EXD3: variants seen among roughly 807,000 people sequenced by gnomAD.
EXD3 encodes the protein exonuclease 3'-5' domain containing 3, also known as exonuclease mut-7 homolog.
In EXD3, 92 loss-of-function variants were observed where a neutral mutation model predicts 98.0. The ratio of observed to expected loss-of-function variants is 0.94; its 90% CI spans 0.79 to 1.12. The LOEUF is 1.12. Among genes scored for constraint, EXD3 ranks in the 50% most tolerant of loss-of-function variants. The pLI, the probability that EXD3 is intolerant of heterozygous loss-of-function variation, is 0.00. For missense variants in EXD3, 1,222 were observed against 1,191.6 expected, an observed-to-expected ratio of 1.03 and a Z score of -0.38; for synonymous variants, 569 against 526.0, an observed-to-expected ratio of 1.08 and a Z score of -1.12.
At position 137,341,524 on chromosome 9, in the gene EXD3, A is replaced by AGG. The variant is rs771473535; in HGVS notation, c.1998+6545_1998+6546dup. Among the ~76,000 whole-genome samples, 1,068 of 140,548 alleles carry AGG rather than the reference A, an allele frequency of 7.6e-3. 2 individuals carry two copies. Among genetic ancestry groups the AGG allele is most frequent in the Non-Finnish European group, 0.011 (701 of 63,156 alleles). 92.2% of individuals were successfully genotyped at this position (140,548 alleles called of 152,430 possible). ...GCTCAGGCACCAGGAGCCGTCTCCC[A>AGG]GGAGTCAGAGGAAACGGGGCTCAGG... is the stretch of plus-strand genomic sequence containing the variant. On this transcript the variant is annotated intron_variant, in intron 17 of 21. Coordinates refer to ENST00000340951, the MANE Select transcript of EXD3 (RefSeq NM_017820.5).
rs1834809022 is a variant in EXD3, at chr9:137,356,710, ATATTCTGGCTGTGCAACGGCCTCAAC to A, written c.657-368_657-343del. Among the ~76,000 whole-genome samples the A allele has an allele frequency of 2.0e-5, 3 of 152,166 alleles. No homozygotes were observed. The South Asian group carries it at 6.2e-4, about 32-fold the overall frequency. On this transcript the variant is annotated intron_variant, in intron 7 of 21. Coordinates refer to ENST00000340951, the MANE Select transcript of EXD3 (RefSeq NM_017820.5). ...TAAATCAGCACCTTCCTCACTGGTG[ATATTCTGGCTGTGCAACGGCCTCAAC>A]GGCCCAGCCTTCTGCTGCTGCTTTC... is the stretch of plus-strand genomic sequence containing the variant.
chr9:137,319,698 C>T (rs1460272350), intron 19 of EXD3, among the ~76,000 whole-genome samples: 4 of 152,204 alleles, frequency 2.6e-5, no homozygotes, highest in Admixed American at 6.5e-5. Flanking sequence ...CATTGGGCCA[C>T]CACCCGGCTG....
At chr9:137,311,095 C>G (rs1831334115) in intron 19 of EXD3, among the ~76,000 whole-genome samples, 1 of 152,196 alleles carries the variant, frequency 6.6e-6, no homozygotes. Flanking sequence ...CATTGCAGCC[C>G]CCACCAGTTC....
At chr9:137,387,996 C>T (rs1836691607) in intron 2 of EXD3, among the ~76,000 whole-genome samples, 1 of 152,218 alleles carries the variant, frequency 6.6e-6, no homozygotes, top group Admixed American at 6.5e-5. Context: ...TGGGCCCTGA[C>T]CCTGGACCCT....
At chr9:137,329,676 ACTACACG>A (rs1832846419) in intron 17 of EXD3, among the ~76,000 whole-genome samples, 2 of 35,352 alleles carry the variant, frequency 5.7e-5, no homozygotes, top group African/African-American at 1.0e-4. Flanking sequence ...ACTACACGGG[ACTACACG>A]GGGTCACACG....
At position 137,354,903 on chromosome 9, in the gene EXD3, C is replaced by G; in HGVS notation, c.758-130G>C. The G allele has an allele frequency of 4.5e-6, 4 of 879,986 alleles. No individual in the cohort carries two copies. The East Asian group carries it at 8.0e-5, about 18-fold the overall frequency. The allele number at this position is 879,986 out of a possible 1,614,324, so 54.5% of individuals were successfully genotyped here. ...ACCGTCCTCCACCTCTGCCCCGGAG[C>G]CCACCCCCTCCTCACCACCTGGGCC... is the stretch of plus-strand genomic sequence containing the variant. On this transcript the variant is annotated intron_variant, in intron 8 of 21. Transcript: ENST00000340951.
rs139164366 is a variant in EXD3, at chr9:137,394,620, C to T, written c.55+683G>A. On this transcript the variant is annotated intron_variant, in intron 2 of 21. Coordinates refer to ENST00000340951, the MANE Select transcript of EXD3 (RefSeq NM_017820.5). ...GCCCAGTCTTCAGCTTGCAGGGTCTCGATCTGTAGGAACAGGAGGGAGAGA... is the reference window on the plus strand; with the variant it reads ...GCCCAGTCTTCAGCTTGCAGGGTCTTGATCTGTAGGAACAGGAGGGAGAGA... 5.6e-3 allele frequency among the ~76,000 whole-genome samples: 845 copies of T among 152,230 alleles called. 31 individuals are homozygous for T. Among genetic ancestry groups the T allele is most frequent in the Admixed American group, 0.046 (701 of 15,228 alleles).
intron 1 of EXD3, among the ~76,000 whole-genome samples, chr9:137,417,669 C>T (rs1051359241): frequency 3.9e-5 from 6 of 152,208 alleles, no homozygotes; most frequent in Admixed American, 3.3e-4. Flanking sequence ...GCGGCCACCA[C>T]GCGGCGGAGC....
chr9:137,347,701 C>A lies in EXD3; in HGVS notation c.1998+370G>T, dbSNP rs1834006368. 6.6e-6 allele frequency among the ~76,000 whole-genome samples: 1 copy of A among 152,164 alleles called. No homozygotes were observed. Among genetic ancestry groups the A allele is most frequent in the Non-Finnish European group, 1.5e-5 (1 of 68,044 alleles). ...TCAAGTGATCCACCCACCTCGGCCTCCCAAGGTGCTGGGATTATAGGCATG... is the reference window on the plus strand; with the variant it reads ...TCAAGTGATCCACCCACCTCGGCCTACCAAGGTGCTGGGATTATAGGCATG... On this transcript the variant is annotated intron_variant, in intron 17 of 21. Coordinates refer to ENST00000340951, the MANE Select transcript of EXD3 (RefSeq NM_017820.5). This position sits in a 1 kb window ranked among gnomAD's most constrained non-coding sequence, Gnocchi z 4.2.
intron 17 of EXD3, among the ~76,000 whole-genome samples, chr9:137,329,778 T>C (rs1421158426): frequency 4.6e-5 from 1 of 21,968 alleles, no homozygotes. Flanking sequence ...CACACGGGAC[T>C]ACACGGGACT....
intron 1 of EXD3, among the ~76,000 whole-genome samples, chr9:137,400,972 A>G (rs1837456322): frequency 6.6e-6 from 1 of 151,852 alleles, no homozygotes; most frequent in African/African-American, 2.4e-5. Context: ...TCTGCATGGT[A>G]CAGCCTCCCT....
chr9:137,366,332 G>A (rs1433956215), intron 7 of EXD3, 161 bp downstream of exon 7: 1 of 1,037,272 alleles, frequency 9.6e-7, no homozygotes, highest in Non-Finnish European at 1.4e-6. Context: ...CTCTCCAGAG[G>A]CAGCTGCTCC....
chr9:137,381,649 C>T (rs994475756), intron 3 of EXD3, among the ~76,000 whole-genome samples: 15 of 152,262 alleles, frequency 9.9e-5, no homozygotes, highest in African/African-American at 1.7e-4. Flanking sequence ...CCCTCCCAGA[C>T]GGCCAACAGT....
chr9:137,373,932 C>T (rs552899110), intron 3 of EXD3, among the ~76,000 whole-genome samples: 63 of 152,382 alleles, frequency 4.1e-4, no homozygotes, highest in African/African-American at 1.4e-3. Flanking sequence ...TCGCGGGACA[C>T]GGGCCTGGCC....
intron 1 of EXD3, among the ~76,000 whole-genome samples, chr9:137,400,633 C>T (rs1385529250): frequency 6.6e-6 from 1 of 152,102 alleles, no homozygotes; most frequent in Non-Finnish European, 1.5e-5. Context: ...GGCGTGGTGG[C>T]ACCCACCTAT....
Position 137,307,018 on chromosome 9 carries a change from T to C in EXD3, c.2563A>G (p.Met855Val). 1.2e-6 allele frequency: 2 copies of C among 1,612,012 alleles called. No homozygotes were observed. Among genetic ancestry groups the C allele is most frequent in the Non-Finnish European group, 8.5e-7 (1 of 1,179,546 alleles). The change falls in exon 22 of 22, where the codon ATG becomes GTG. Residue 855 changes from methionine (M) to valine (V), a missense_variant. Transcript: ENST00000340951. ...LGRVATHFRD[M>V]LESAPSPCEP... is the part of the protein sequence containing the mutation. ...CAGGGGCTGGGGGCGCTCTCCAGCA[T>C]GTCTCGGAAGTGGGTGGCAACACGA...
rs780613823 is a variant in EXD3 at position 137,354,719 on chromosome 9, C to T, written c.812G>A (p.Cys271Tyr). The T allele has an allele frequency of 2.2e-5, 36 of 1,610,852 alleles. No individual in the cohort carries two copies. The highest frequency in any genetic ancestry group is 3.0e-5 in the Non-Finnish European group (35 of 1,179,704). Residue 271 changes from cysteine (C) to tyrosine (Y), a missense_variant, in exon 9 of 22, where the codon TGC becomes TAC. Transcript: ENST00000340951. ...QQRLAALRHL[C>Y]HKRFVEKSLS... ...ACGAACCTCCACAAACCGCTTGTGG[C>T]ACAGGTGCCGCAGGGCCGCCAGGCG...
At chr9:137,366,398 C>A (rs1835259400) in intron 7 of EXD3, 95 bp downstream of exon 7, 1 of 1,492,988 alleles carries the variant, frequency 6.7e-7, no homozygotes, top group African/African-American at 1.4e-5. Context: ...GGGGAGAGCT[C>A]TCCCACGCGC....
intron 8 of EXD3, among the ~76,000 whole-genome samples, chr9:137,355,863 G>T (rs1834754690): frequency 6.6e-6 from 1 of 152,158 alleles, no homozygotes. Context: ...AGGGGGTCCT[G>T]GGAGCAAAGG....
Sources: allele counts gnomAD v4.1 joint callset (sites outside exome capture counted in the v4.1 genomes callset), GRCh38; gene constraint gnomAD v4.1.1; non-coding constraint Gnocchi (gnomAD v3.1); transcripts MANE v1.5; gene names NCBI Gene and HGNC (gene_info 2026-07-23, HGNC 2026-07-21).